The following CLSTN2 variants were observed in gnomAD, a reference collection of about 807,000 sequenced individuals.
The protein encoded by CLSTN2 is calsyntenin 2.
A neutral mutation model predicts 101.2 loss-of-function variants in CLSTN2; 48 were observed. The observed-to-expected ratio is 0.47, with a 90% confidence interval of 0.38 to 0.60. The LOEUF is 0.60. Ranked by LOEUF, CLSTN2 falls within the 20% of genes least tolerant of loss-of-function variation. CLSTN2 has a pLI of 0.00. For synonymous variants in CLSTN2, 481 were observed against 463.6 expected, an observed-to-expected ratio of 1.04 and a Z score of -0.48; for missense variants, 1,160 against 1,238.2, an observed-to-expected ratio of 0.94 and a Z score of 0.95.
chr3:140,336,710 C>T (rs1345468911), intron 2 of CLSTN2, among the ~76,000 whole-genome samples: 2 of 152,218 alleles, frequency 1.3e-5, no homozygotes, highest in Non-Finnish European at 2.9e-5. Context: ...AAACCAACTG[C>T]TTTCAATGTA....
chr3:140,284,065 A>G (rs1283615015), intron 2 of CLSTN2, among the ~76,000 whole-genome samples: 1 of 152,202 alleles, frequency 6.6e-6, no homozygotes, highest in Non-Finnish European at 1.5e-5. Flanking sequence ...GAATTGATGC[A>G]ATTATTGATC....
chr3:140,494,230 T>C (rs1934405983), intron 8 of CLSTN2, among the ~76,000 whole-genome samples: 2 of 152,156 alleles, frequency 1.3e-5, no homozygotes, highest in Admixed American at 1.3e-4. Flanking sequence ...CCTTCAAGGG[T>C]TCATCTTAAC....
At chr3:139,952,558 A>G (rs1029883254) in intron 1 of CLSTN2, among the ~76,000 whole-genome samples, 8 of 152,206 alleles carry the variant, frequency 5.3e-5, no homozygotes, top group African/African-American at 7.2e-5. Context: ...GGTTGAGCTT[A>G]GGAAAGGTAA....
At chr3:140,305,082 T>A (rs1050614527) in intron 2 of CLSTN2, among the ~76,000 whole-genome samples, 3 of 150,314 alleles carry the variant, frequency 2.0e-5, no homozygotes, top group Non-Finnish European at 3.0e-5. Flanking sequence ...TGTCTCTCTT[T>A]CTCTCTCTCT....
intron 2 of CLSTN2, among the ~76,000 whole-genome samples, chr3:140,377,042 A>ATGTGTG (rs61048276): frequency 1.3e-5 from 2 of 149,688 alleles, no homozygotes; most frequent in African/African-American, 4.9e-5. Flanking sequence ...GAGAGAGAGG[A>ATGTGTG]TGTGTGTGTG....
At chr3:140,334,071 T>C (rs2087417359) in intron 2 of CLSTN2, among the ~76,000 whole-genome samples, 1 of 152,176 alleles carries the variant, frequency 6.6e-6, no homozygotes, top group South Asian at 2.1e-4. Flanking sequence ...TAGCCTTCCA[T>C]GCGACCTTGG....
intron 1 of CLSTN2, among the ~76,000 whole-genome samples, chr3:140,172,989 A>G (rs536936573): frequency 1.3e-5 from 2 of 152,304 alleles, no homozygotes; most frequent in East Asian, 3.9e-4. Context: ...GCCAAATCTC[A>G]TGTCCTCACA....
intron 2 of CLSTN2, among the ~76,000 whole-genome samples, chr3:140,288,318 A>G (rs2086916568): frequency 6.6e-6 from 1 of 152,158 alleles, no homozygotes; most frequent in Non-Finnish European, 1.5e-5. Flanking sequence ...ACCTGAAGAG[A>G]ATAAGTGTCC....
chr3:140,017,775 G>A (rs187817165), intron 1 of CLSTN2, among the ~76,000 whole-genome samples: 7 of 152,180 alleles, frequency 4.6e-5, no homozygotes, highest in South Asian at 4.1e-4. Flanking sequence ...AGAGCCTCCC[G>A]CACAAGCAAA....
At chr3:140,523,844 C>T (rs6766163) in intron 8 of CLSTN2, among the ~76,000 whole-genome samples, 2,745 of 152,244 alleles carry the variant, frequency 0.018, 82 homozygotes, top group African/African-American at 0.062. Context: ...GCAGACTGTT[C>T]GCTCTGTTCA....
chr3:140,517,767 G>C (rs966968255), intron 8 of CLSTN2, among the ~76,000 whole-genome samples: 1 of 151,552 alleles, frequency 6.6e-6, no homozygotes, highest in Admixed American at 6.6e-5. Flanking sequence ...TTGTGGCTTT[G>C]TTTATTGTAC....
chr3:140,360,168 C>G (rs1056064377), intron 2 of CLSTN2, among the ~76,000 whole-genome samples: 3 of 152,122 alleles, frequency 2.0e-5, no homozygotes, highest in Non-Finnish European at 4.4e-5. Flanking sequence ...CCCCTGTAAT[C>G]GTTCCTTTTT....
chr3:139,976,489 A>G (rs376595935), intron 1 of CLSTN2, among the ~76,000 whole-genome samples: 1 of 152,224 alleles, frequency 6.6e-6, no homozygotes, highest in Non-Finnish European at 1.5e-5. Flanking sequence ...GATGAGGGAA[A>G]CTGAGGCTCA....
chr3:140,139,038 T>A (rs1296734379), intron 1 of CLSTN2, among the ~76,000 whole-genome samples: 3 of 152,222 alleles, frequency 2.0e-5, no homozygotes, highest in Admixed American at 2.0e-4. Context: ...CTTTGTTTTT[T>A]ATAAAAATGT....
At chr3:140,412,164 C>T (rs140227271) in intron 4 of CLSTN2, among the ~76,000 whole-genome samples, 13 of 152,234 alleles carry the variant, frequency 8.5e-5, no homozygotes, top group South Asian at 4.1e-4. Context: ...TAACAGCATG[C>T]GCCACAACAC....
chr3:140,374,050 G>A (rs1372967205), intron 2 of CLSTN2, among the ~76,000 whole-genome samples: 1 of 152,172 alleles, frequency 6.6e-6, no homozygotes, highest in Non-Finnish European at 1.5e-5. Context: ...CCTGTCCCAT[G>A]TTGTTTGTTC....
At chr3:140,343,536 A>T (rs116413794) in intron 2 of CLSTN2, among the ~76,000 whole-genome samples, 1 of 152,230 alleles carries the variant, frequency 6.6e-6, no homozygotes, top group Non-Finnish European at 1.5e-5. Context: ...GGGACTATCA[A>T]TGCAGTGCAT....
intron 1 of CLSTN2, among the ~76,000 whole-genome samples, chr3:140,006,807 T>C (rs2006967894): frequency 6.6e-6 from 1 of 150,928 alleles, no homozygotes; most frequent in Admixed American, 6.6e-5. Context: ...TTATTATTGG[T>C]ACTCAGTAAA....
At chr3:140,052,770 G>A (rs892078457) in intron 1 of CLSTN2, among the ~76,000 whole-genome samples, 4 of 152,178 alleles carry the variant, frequency 2.6e-5, no homozygotes, top group African/African-American at 7.2e-5. Flanking sequence ...TTTGACATGG[G>A]CTCTGGAGCC....
Sources: allele counts gnomAD v4.1 joint callset (sites outside exome capture counted in the v4.1 genomes callset), GRCh38; gene constraint gnomAD v4.1.1; transcripts MANE v1.5; gene names NCBI Gene and HGNC (gene_info 2026-07-23, HGNC 2026-07-21).